The following STARD13 variants were observed in gnomAD, a reference collection of about 807,000 sequenced individuals.
The protein encoded by STARD13 is stAR-related lipid transfer protein 13.
A neutral mutation model predicts 106.4 loss-of-function variants in STARD13; 62 were observed. The ratio of observed to expected loss-of-function variants is 0.58; its 90% CI spans 0.48 to 0.72. The LOEUF is 0.72. Among genes scored for constraint, STARD13 ranks in the 30% least tolerant of loss-of-function variants. The pLI is 0.00. For missense variants in STARD13, 1,387 were observed against 1,424.0 expected, an observed-to-expected ratio of 0.97 and a Z score of 0.42; for synonymous variants, 565 against 553.0, an observed-to-expected ratio of 1.02 and a Z score of -0.31.
the STARD13 span, among the ~76,000 whole-genome samples, chr13:33,592,614 G>T: frequency 6.6e-6 from 1 of 152,000 alleles, no homozygotes; most frequent in African/African-American, 2.4e-5. Context: ...CCCTTTTGAG[G>T]ACTTTAAAAA....
At chr13:33,503,090 T>G in the STARD13 span, among the ~76,000 whole-genome samples, 1 of 152,236 alleles carries the variant, frequency 6.6e-6, no homozygotes, top group Non-Finnish European at 1.5e-5. Context: ...GGATTTAACT[T>G]CTTCCTGGTT....
At chr13:33,519,100 C>T in the STARD13 span, among the ~76,000 whole-genome samples, 1 of 152,030 alleles carries the variant, frequency 6.6e-6, no homozygotes. Context: ...GCATCACCAG[C>T]CCCCAGGTGA....
chr13:33,258,619 A>G (rs538959829), intron 1 of STARD13, among the ~76,000 whole-genome samples: 4 of 152,334 alleles, frequency 2.6e-5, no homozygotes, highest in Admixed American at 1.3e-4. Flanking sequence ...CATTCTTGCA[A>G]TTATTTTCAA....
the STARD13 span, among the ~76,000 whole-genome samples, chr13:33,360,235 C>T: frequency 6.7e-6 from 1 of 149,958 alleles, no homozygotes; most frequent in Non-Finnish European, 1.5e-5. Flanking sequence ...GACGGAGTCT[C>T]ACTCTGTCGC....
At chr13:33,213,806 T>C (rs1887867146) in intron 1 of STARD13, among the ~76,000 whole-genome samples, 1 of 152,214 alleles carries the variant, frequency 6.6e-6, no homozygotes, top group Admixed American at 6.5e-5. Flanking sequence ...TCAAAGCTTA[T>C]ACTTTAAATT....
At chr13:33,304,975 G>A (rs1301093782) in intron 1 of STARD13, among the ~76,000 whole-genome samples, 1 of 152,196 alleles carries the variant, frequency 6.6e-6, no homozygotes, top group East Asian at 1.9e-4. Context: ...TAAATATTAA[G>A]AGTGTTGAAC....
chr13:33,142,392 GT>G lies in STARD13; in HGVS notation c.324-20del. ...TAGTCGTCTAAAAGGAAAGAAAAAT[GT>G]GATGATTACTTTCACTAATGAATTT... On this transcript the variant is annotated intron_variant, in intron 3 of 13. Coordinates refer to ENST00000336934, the MANE Select transcript of STARD13 (RefSeq NM_178006.4). 6.2e-7 allele frequency: 1 copy of G among 1,601,016 alleles called. No individual in the cohort carries two copies. Among genetic ancestry groups the G allele is most frequent in the Non-Finnish European group, 8.6e-7 (1 of 1,168,476 alleles).
chr13:33,200,845 C>CT (rs1214809849), intron 1 of STARD13, among the ~76,000 whole-genome samples: 2 of 151,266 alleles, frequency 1.3e-5, no homozygotes, highest in Non-Finnish European at 2.9e-5. Context: ...CACGGTGAAA[C>CT]CCGTCTCTAC....
At chr13:33,455,884 C>T in the STARD13 span, among the ~76,000 whole-genome samples, 242 of 152,266 alleles carry the variant, frequency 1.6e-3, no homozygotes, top group African/African-American at 5.4e-3. Context: ...GCAGAGGTTG[C>T]AGTGAGCCAA....
chr13:33,510,056 A>G, the STARD13 span, among the ~76,000 whole-genome samples: 3 of 152,164 alleles, frequency 2.0e-5, no homozygotes, highest in African/African-American at 7.2e-5. Context: ...CTTGAGATCA[A>G]TCTTCAGTGG....
intron 1 of STARD13, among the ~76,000 whole-genome samples, chr13:33,258,935 C>T (rs1890502645): frequency 1.3e-5 from 2 of 152,202 alleles, no homozygotes; most frequent in South Asian, 4.1e-4. Flanking sequence ...TGTTGGAAAA[C>T]AACATCTTTC....
intron 3 of STARD13, chr13:33,155,474 C>T (rs1416422972): frequency 6.6e-6 from 1 of 152,118 alleles, no homozygotes; most frequent in Admixed American, 6.5e-5. Flanking sequence ...TAATGCAATA[C>T]AAACACCTGA....
chr13:33,659,080 C>T, the STARD13 span, among the ~76,000 whole-genome samples: 1 of 152,200 alleles, frequency 6.6e-6, no homozygotes, highest in East Asian at 1.9e-4. Flanking sequence ...TTTGTAATAT[C>T]CTTTGTAATA....
chr13:33,486,601 T>C, the STARD13 span, among the ~76,000 whole-genome samples: 1 of 152,182 alleles, frequency 6.6e-6, no homozygotes, highest in Admixed American at 6.5e-5. Flanking sequence ...GGCACTACTG[T>C]CCTCTTTCCA....
At chr13:33,211,150 C>A (rs1887693330) in intron 1 of STARD13, among the ~76,000 whole-genome samples, 1 of 151,026 alleles carries the variant, frequency 6.6e-6, no homozygotes, top group Non-Finnish European at 1.5e-5. Flanking sequence ...CTAACACACT[C>A]TAGTAGCTAA....
chr13:33,638,997 A>T, the STARD13 span, among the ~76,000 whole-genome samples: 1 of 151,964 alleles, frequency 6.6e-6, no homozygotes, highest in Admixed American at 6.6e-5. Context: ...TTCTTTCCGC[A>T]GATATTTGTG....
intron 8 of STARD13, among the ~76,000 whole-genome samples, chr13:33,114,905 T>G (rs1200939528): frequency 6.6e-6 from 1 of 152,138 alleles, no homozygotes; most frequent in Non-Finnish European, 1.5e-5. Flanking sequence ...CTCTTTTAGC[T>G]TTCTGTTACA....
At chr13:33,366,811 C>T in the STARD13 span, among the ~76,000 whole-genome samples, 1 of 152,214 alleles carries the variant, frequency 6.6e-6, no homozygotes, top group Non-Finnish European at 1.5e-5. This position sits in a 1 kb window ranked among gnomAD's most constrained non-coding sequence, Gnocchi z 4.2. Context: ...TTTGTACAGT[C>T]CTACGAGTTT....
chr13:33,327,752 C>A (rs2077792829), intron 1 of STARD13, among the ~76,000 whole-genome samples: 1 of 152,082 alleles, frequency 6.6e-6, no homozygotes. Context: ...GAAATTTGTC[C>A]TTTCAAATAC....
Sources: gnomAD v4.1 joint callset for allele counts (sites outside exome capture counted in the v4.1 genomes callset) on GRCh38, gnomAD v4.1.1 for gene constraint, Gnocchi (gnomAD v3.1) non-coding constraint, MANE v1.5 for transcripts, NCBI Gene and HGNC (gene_info 2026-07-23, HGNC 2026-07-21) for gene names.